SNTG1: variants seen among roughly 807,000 people sequenced by gnomAD.
SNTG1 encodes syntrophin gamma 1.
A neutral mutation model predicts 74.7 loss-of-function variants in SNTG1; 39 were observed. That is an observed-to-expected ratio of 0.52 (90% CI 0.40 to 0.68). The LOEUF (loss-of-function observed/expected upper bound fraction) is 0.68, where lower values mean the gene tolerates loss of function less well. Ranked by LOEUF, SNTG1 falls within the 30% of genes least tolerant of loss-of-function variation. SNTG1 has a pLI of 0.00. For missense variants in SNTG1, 685 were observed against 609.5 expected, an observed-to-expected ratio of 1.12 and a Z score of -1.30; for synonymous variants, 254 against 217.1, an observed-to-expected ratio of 1.17 and a Z score of -1.49.
chr8:50,231,419 G>T (rs560100845), intron 2 of SNTG1, among the ~76,000 whole-genome samples: 2 of 151,472 alleles, frequency 1.3e-5, no homozygotes, highest in South Asian at 4.1e-4. Flanking sequence ...ATGTCAAATA[G>T]ATGTCTGAAC....
chr8:50,422,305 T>C (rs918322836), intron 4 of SNTG1, among the ~76,000 whole-genome samples: 2 of 138,254 alleles, frequency 1.4e-5, no homozygotes, highest in African/African-American at 5.3e-5. Flanking sequence ...GTAGATCACA[T>C]AAAATTGATT....
chr8:50,778,939 A>C (rs935909384), intron 18 of SNTG1, among the ~76,000 whole-genome samples: 1 of 152,186 alleles, frequency 6.6e-6, no homozygotes, highest in Non-Finnish European at 1.5e-5. Context: ...CAGTTTTCCC[A>C]GTACCATTTA....
chr8:50,236,641 G>A (rs1349877414), intron 2 of SNTG1, among the ~76,000 whole-genome samples: 1 of 151,756 alleles, frequency 6.6e-6, no homozygotes, highest in African/African-American at 2.4e-5. Context: ...TAGTAGAGAC[G>A]GGGTTTCACC....
chr8:50,429,331 A>G (rs934315249), intron 4 of SNTG1, among the ~76,000 whole-genome samples: 7 of 152,158 alleles, frequency 4.6e-5, no homozygotes, highest in African/African-American at 1.7e-4. Context: ...TTCAGAAATA[A>G]ACAAATTCAT....
At chr8:50,705,132 C>T (rs1370257001) in intron 16 of SNTG1, among the ~76,000 whole-genome samples, 1 of 152,166 alleles carries the variant, frequency 6.6e-6, no homozygotes, top group African/African-American at 2.4e-5. Flanking sequence ...ACTCACAATG[C>T]TCTTTCCCTT....
chr8:50,462,796 CTTTTTTTTTTTTTTTTTTT>C (rs869119447), intron 8 of SNTG1, among the ~76,000 whole-genome samples: 12 of 57,474 alleles, frequency 2.1e-4, no homozygotes, highest in African/African-American at 6.5e-4. Context: ...AGGTTCTACT[CTTTTTTTTTTTTTTTTTTT>C]TTTTTTTTTT....
intron 1 of SNTG1, among the ~76,000 whole-genome samples, chr8:50,066,228 A>G (rs556905032): frequency 4.5e-4 from 68 of 152,106 alleles, no homozygotes; most frequent in African/African-American, 1.5e-3. Flanking sequence ...AAAAAAAAAA[A>G]TTAAGTAAAC....
intron 2 of SNTG1, among the ~76,000 whole-genome samples, chr8:50,270,379 G>T (rs968808111): frequency 1.3e-5 from 2 of 152,180 alleles, no homozygotes; most frequent in Non-Finnish European, 2.9e-5. Context: ...ACTATAAAAA[G>T]AGAAAGCTGT....
At chr8:50,774,861 A>T (rs543377314) in intron 18 of SNTG1, among the ~76,000 whole-genome samples, 23 of 151,604 alleles carry the variant, frequency 1.5e-4, no homozygotes, top group South Asian at 4.2e-4. Flanking sequence ...AGCACTATTG[A>T]CGTTGTCATT....
chr8:50,234,778 G>A (rs2085805783), intron 2 of SNTG1, among the ~76,000 whole-genome samples: 2 of 151,940 alleles, frequency 1.3e-5, no homozygotes, highest in African/African-American at 4.8e-5. Context: ...GACTAAAAAT[G>A]GCATCAAGCA....
At chr8:49,914,202 T>A (rs1452722530) in intron 1 of SNTG1, among the ~76,000 whole-genome samples, 3 of 152,166 alleles carry the variant, frequency 2.0e-5, no homozygotes, top group Non-Finnish European at 1.5e-5. Context: ...TCTTCATTAT[T>A]GCACAGAATC....
chr8:50,748,308 C>A (rs1171592718), intron 17 of SNTG1, among the ~76,000 whole-genome samples: 1 of 151,992 alleles, frequency 6.6e-6, no homozygotes, highest in Non-Finnish European at 1.5e-5. Context: ...GTGAGATAAT[C>A]TTGGAGAACA....
intron 1 of SNTG1, among the ~76,000 whole-genome samples, chr8:49,961,402 G>T (rs987607779): frequency 1.3e-5 from 2 of 152,158 alleles, no homozygotes; most frequent in African/African-American, 4.8e-5. Flanking sequence ...AATAATTGGT[G>T]CTTTCTAACC....
chr8:50,514,955 C>G (rs889240795), intron 9 of SNTG1, among the ~76,000 whole-genome samples: 1 of 152,154 alleles, frequency 6.6e-6, no homozygotes, highest in African/African-American at 2.4e-5. Context: ...GGTGAATTGA[C>G]AGTTTTACTA....
chr8:50,149,873 C>T (rs973616282), intron 1 of SNTG1, among the ~76,000 whole-genome samples: 8 of 152,134 alleles, frequency 5.3e-5, no homozygotes, highest in East Asian at 1.9e-4. Context: ...CTTGGCAATG[C>T]GGGTTCTTTT....
chr8:50,679,772 A>G (rs552512010), intron 15 of SNTG1, among the ~76,000 whole-genome samples: 39 of 152,130 alleles, frequency 2.6e-4, no homozygotes, highest in Non-Finnish European at 5.1e-4. Flanking sequence ...CACTAAGAGG[A>G]TGGATTTATT....
At chr8:50,126,446 A>T (rs1389533301) in intron 1 of SNTG1, among the ~76,000 whole-genome samples, 2 of 152,146 alleles carry the variant, frequency 1.3e-5, no homozygotes, top group African/African-American at 2.4e-5. Flanking sequence ...TAACTTAGTA[A>T]ATAATGGAAC....
chr8:50,675,052 T>C (rs2095303809), intron 15 of SNTG1, among the ~76,000 whole-genome samples: 1 of 152,126 alleles, frequency 6.6e-6, no homozygotes, highest in East Asian at 1.9e-4. Context: ...ATTTCAGTTC[T>C]TTTGCATTTT....
At chr8:50,205,927 A>G (rs1458470392) in intron 2 of SNTG1, among the ~76,000 whole-genome samples, 1 of 151,990 alleles carries the variant, frequency 6.6e-6, no homozygotes, top group Non-Finnish European at 1.5e-5. Flanking sequence ...ATTGGTCTAT[A>G]TATCTGTTTT....
Sources: gnomAD v4.1 joint callset for allele counts (sites outside exome capture counted in the v4.1 genomes callset) on GRCh38, gnomAD v4.1.1 for gene constraint, MANE v1.5 for transcripts, NCBI Gene and HGNC (gene_info 2026-07-23, HGNC 2026-07-21) for gene names.